The following CFAP206 variants were observed in gnomAD, a reference collection of about 807,000 sequenced individuals.
CFAP206 encodes the protein cilia and flagella associated protein 206.
Under a neutral mutation model 65.4 loss-of-function variants are expected in CFAP206, and 53 were observed. The observed-to-expected ratio is 0.81, with a 90% CI of 0.65 to 1.02. The LOEUF (loss-of-function observed/expected upper bound fraction) is 1.02. CFAP206 is among the 50% of genes least tolerant of loss of function. The probability of loss-of-function intolerance (pLI) is 0.00; values close to 1 mark genes in which losing one functional copy is unlikely to be tolerated. For missense variants in CFAP206, 663 were observed against 753.2 expected (o/e 0.88, Z 1.40); for synonymous variants, 250 against 254.4 (o/e 0.98, Z 0.17).
In CFAP206 at chr6:87,426,636, A is replaced by T; in HGVS notation, c.951A>T (p.Ser317=). The T allele has an allele frequency of 1.3e-6, 2 of 1,582,506 alleles. No homozygotes were observed. Among genetic ancestry groups the T allele is most frequent in the Non-Finnish European group, 1.7e-6 (2 of 1,165,168 alleles). Residue 317 remains serine, a synonymous_variant, in exon 8 of 13, where the codon TCA becomes TCT. Coordinates refer to ENST00000369562, the MANE Select transcript of CFAP206 (RefSeq NM_001031743.3). ...AATCAAAGATAGCGGTCCCAACATCACAAGTCTTTGTAAGTATTTGTCATA... is the reference window on the plus strand; with the variant it reads ...AATCAAAGATAGCGGTCCCAACATCTCAAGTCTTTGTAAGTATTTGTCATA... ...TIKSKIAVPT[S]QVFPIFIALS...
chr6:87,415,323 T>G (rs975977029), intron 4 of CFAP206, among the ~76,000 whole-genome samples: 1 of 149,920 alleles, frequency 6.7e-6, no homozygotes, highest in African/African-American at 2.4e-5. Context: ...TATATATTTA[T>G]TTTTTCATAT....
chr6:87,409,850 C>T lies in CFAP206; in HGVS notation c.11C>T (p.Thr4Ile). Residue 4 changes from threonine (T) to isoleucine (I), a missense_variant, in exon 2 of 13, where the codon ACT (threonine) becomes ATT (isoleucine). Coordinates refer to ENST00000369562, the MANE Select transcript of CFAP206 (RefSeq NM_001031743.3). Reference protein sequence around the residue: MPPTQAESVIRSII... With the variant: MPPIQAESVIRSII... The stretch of plus-strand genomic sequence containing the variant: ...TTTTATTTAGCCAGAATGCCTCCAA[C>T]TCAGGCCGAAAGTGTTATAAGGAGT... 2.5e-6 allele frequency: 4 copies of T among 1,610,456 alleles called. No homozygotes were observed. Among genetic ancestry groups the T allele is most frequent in the Non-Finnish European group, 3.4e-6 (4 of 1,178,676 alleles).
At chr6:87,461,201 T>G in intron 12 of CFAP206, 36 bp downstream of exon 12, 1 of 1,417,448 alleles carries the variant, frequency 7.1e-7, no homozygotes, top group Non-Finnish European at 9.4e-7. Flanking sequence ...ATTTATATGT[T>G]GGGGAATTTT....
chr6:87,462,784 C>T (rs1183366764), intron 12 of CFAP206, among the ~76,000 whole-genome samples: 1 of 152,108 alleles, frequency 6.6e-6, no homozygotes, highest in Non-Finnish European at 1.5e-5. Context: ...TCCTCAATCT[C>T]CACTTAATTC....
At chr6:87,460,981 T>C (rs1468937167) in intron 11 of CFAP206, 41 bp from the exon 12 acceptor site, 2 of 1,521,954 alleles carry the variant, frequency 1.3e-6, no homozygotes, top group African/African-American at 1.4e-5. Flanking sequence ...AAATAATGTT[T>C]ATTTTTTACA....
Position 87,412,732 on chromosome 6 carries a change from C to T in CFAP206, c.193-1078C>T, listed in dbSNP as rs191455959. ...GGGGTGCGGTGGCATGATCTTGGCT[C>T]ATTGCCATGTCCACCTCCCGGGTTC... On this transcript the variant is annotated intron_variant, in intron 3 of 12. Coordinates refer to ENST00000369562, the MANE Select transcript of CFAP206 (RefSeq NM_001031743.3). 3.1e-3 allele frequency among the ~76,000 whole-genome samples: 474 copies of T among 152,206 alleles called. 2 individuals are homozygous for T. Among genetic ancestry groups the T allele is most frequent in the African/African-American group, 0.01 (436 of 41,534 alleles).
Position 87,428,662 on chromosome 6 carries a change from T to C in CFAP206, c.997T>C (p.Leu333=). 6.2e-7 allele frequency: 1 copy of C among 1,614,154 alleles called. No homozygotes were observed. Residue 333 remains leucine, a synonymous_variant, in exon 9 of 13, where the codon TTG becomes CTG. Coordinates refer to ENST00000369562, the MANE Select transcript of CFAP206 (RefSeq NM_001031743.3). ...FIALSTLWTS[L]QDETIVVGVL... ...TGCACTTTCTACTCTGTGGACCAGC[T>C]TGCAAGACGAAACTATTGTGGTTGG...
At position 87,415,714 on chromosome 6, in the gene CFAP206, C is replaced by T; in HGVS notation, c.312C>T (p.Val104=). 2 of 1,610,350 alleles carry T rather than the reference C, an allele frequency of 1.2e-6. No homozygotes were observed. The highest frequency in any genetic ancestry group is 1.7e-6 in the Non-Finnish European group (2 of 1,178,346). ...AATTTCTCGAAGAACATCACCGGGT[C>T]CTAGAGTCTAGATTAGGCTCTGTTA... ...RVEFLEEHHR[V]LESRLGSVTR... Residue 104 remains valine (V), a synonymous_variant, in exon 5 of 13, where the codon GTC becomes GTT. Coordinates refer to ENST00000369562, the MANE Select transcript of CFAP206 (RefSeq NM_001031743.3).
chr6:87,428,860 A>G, intron 9 of CFAP206, 36 bp downstream of exon 9: 1 of 1,546,738 alleles, frequency 6.5e-7, no homozygotes, highest in Non-Finnish European at 8.9e-7. Context: ...TCTTCTTTTT[A>G]AAATTACCTC....
At chr6:87,417,989 C>T (rs770229323) in intron 6 of CFAP206, among the ~76,000 whole-genome samples, 14 of 151,950 alleles carry the variant, frequency 9.2e-5, no homozygotes, top group Non-Finnish European at 1.3e-4. Flanking sequence ...CCGCCCGCCT[C>T]GGCCTCCCAA....
chr6:87,417,761 T>TC (rs1767858418), intron 6 of CFAP206, among the ~76,000 whole-genome samples: 1 of 150,506 alleles, frequency 6.6e-6, no homozygotes, highest in African/African-American at 2.4e-5. Flanking sequence ...GATTCTTTTT[T>TC]TTTTTTTTTT....
intron 8 of CFAP206, 123 bp from the exon 9 acceptor site, chr6:87,428,503 A>G: frequency 1.2e-6 from 1 of 839,108 alleles, no homozygotes; most frequent in Non-Finnish European, 1.9e-6. Flanking sequence ...CTAAGTTCGT[A>G]AGACTTTTGC....
At chr6:87,462,273 T>C (rs1047873630) in intron 12 of CFAP206, among the ~76,000 whole-genome samples, 9 of 152,232 alleles carry the variant, frequency 5.9e-5, no homozygotes, top group African/African-American at 2.2e-4. Context: ...TTATTTCCTT[T>C]GCTACTCACT....
At chr6:87,453,834 C>A (rs1768585680) in intron 11 of CFAP206, among the ~76,000 whole-genome samples, 1 of 151,714 alleles carries the variant, frequency 6.6e-6, no homozygotes, top group Admixed American at 6.6e-5. Context: ...AAGAGAAGAC[C>A]ACAAAACAAC....
chr6:87,408,692 C>T (rs907642697), intron 1 of CFAP206: 2 of 151,686 alleles, frequency 1.3e-5, no homozygotes, highest in African/African-American at 4.9e-5. Flanking sequence ...TTAAGCGATT[C>T]CCTTAAGCCG....
At chr6:87,424,859 T>A (rs1031758795) in intron 7 of CFAP206, among the ~76,000 whole-genome samples, 4 of 152,212 alleles carry the variant, frequency 2.6e-5, no homozygotes, top group Non-Finnish European at 4.4e-5. Context: ...TTAATCCTTA[T>A]TTTAAGGTAA....
chr6:87,421,985 T>C (rs1482622685), intron 7 of CFAP206, among the ~76,000 whole-genome samples: 1 of 152,104 alleles, frequency 6.6e-6, no homozygotes, highest in East Asian at 1.9e-4. Flanking sequence ...TTGTTGAAAA[T>C]TGTCCGTGGA....
chr6:87,440,526 A>G (rs779623387), intron 11 of CFAP206, among the ~76,000 whole-genome samples: 43 of 152,176 alleles, frequency 2.8e-4, no homozygotes, highest in Non-Finnish European at 3.4e-4. Flanking sequence ...ATCATGGTGA[A>G]GAAATAAATC....
At chr6:87,410,176 A>G (rs1767708454) in intron 2 of CFAP206, among the ~76,000 whole-genome samples, 1 of 152,238 alleles carries the variant, frequency 6.6e-6, no homozygotes, top group Admixed American at 6.5e-5. Context: ...AAACATCAAT[A>G]ATGTTCTCCT....
Sources: gnomAD v4.1 joint callset for allele counts (sites outside exome capture counted in the v4.1 genomes callset) on GRCh38, gnomAD v4.1.1 for gene constraint, MANE v1.5 for transcripts, NCBI Gene and HGNC (gene_info 2026-07-23, HGNC 2026-07-21) for gene names.